Variants in ERCC4 observed in about 807,000 individuals in gnomAD.
ERCC4 encodes ERCC excision repair 4, endonuclease catalytic subunit, also known as DNA repair endonuclease XPF.
Under a neutral mutation model 76.9 loss-of-function variants are expected in ERCC4, and 65 were observed. The ratio of observed to expected loss-of-function variants is 0.84; its 90% confidence interval spans 0.69 to 1.04. The LOEUF (loss-of-function observed/expected upper bound fraction) is 1.04, where lower values mean the gene tolerates loss of function less well. ERCC4 is among the 50% of genes least tolerant of loss of function. The pLI, the probability that ERCC4 is intolerant of heterozygous loss-of-function variation, is 0.00. For synonymous variants in ERCC4, 463 were observed against 410.1 expected (o/e 1.13, Z -1.56); for missense variants, 1,214 against 1,128.2 (o/e 1.08, Z -1.09).
intron 2 of ERCC4, among the ~76,000 whole-genome samples, chr16:13,923,782 C>T (rs1297590640): frequency 2.0e-5 from 3 of 152,154 alleles, no homozygotes; most frequent in Non-Finnish European, 4.4e-5. Flanking sequence ...CTTTTGTAAC[C>T]AGAAATCTTG....
Position 13,932,254 on chromosome 16 carries a change from A to G in ERCC4, c.1071A>G (p.Ile357Met), listed in dbSNP as rs768464180. The G allele has an allele frequency of 3.7e-6, 6 of 1,611,352 alleles. No homozygotes were observed. The highest frequency in any genetic ancestry group is 1.7e-5 in the Admixed American group (1 of 59,938). The change falls in exon 6 of 11, where the codon ATA (isoleucine) becomes ATG (methionine). Residue 357 changes from isoleucine (I) to methionine (M), a missense_variant. By Grantham distance (10) the Ile-to-Met change is conservative. Coordinates refer to ENST00000311895, the MANE Select transcript of ERCC4 (RefSeq NM_005236.3). Reference sequence around the variant, plus strand: ...CCAAAATGAGTAAAAAAGAAAAAATATCTGAAAAAATGGAAATTAAAGAAG... The same window carrying G: ...CCAAAATGAGTAAAAAAGAAAAAATGTCTGAAAAAATGGAAATTAAAGAAG... ...PDAKMSKKEK[I>M]SEKMEIKEGE...
Position 13,947,843 on chromosome 16 carries a change from C to G in ERCC4, c.2247C>G (p.Ser749=). The change falls in exon 11 of 11, where the codon TCC becomes TCG. Residue 749 remains serine, a synonymous_variant. Transcript: ENST00000311895. ...TCTACAGCCAGTGCATCTCCATGTC[C>G]CGCTACTACAAGCGTCCCGTGCTTC... The part of the protein sequence containing the change: ...GRLYSQCISM[S]RYYKRPVLLI... The G allele has an allele frequency of 1.2e-6, 2 of 1,614,192 alleles. No individual in the cohort carries two copies. The highest frequency in any genetic ancestry group is 1.7e-6 in the Non-Finnish European group (2 of 1,180,034).
At position 13,948,009 on chromosome 16, in the gene ERCC4, T is replaced by A. The variant is rs2032554384; in HGVS notation, c.2413T>A (p.Ser805Thr). The change falls in exon 11 of 11, where the codon TCT becomes ACT. Residue 805 changes from serine (S) to threonine (T), a missense_variant. Ser to Thr is a moderately conservative substitution (Grantham distance 58). Transcript: ENST00000311895. ...FPRLRILWCP[S>T]PHATAELFEE... ...CAGACTACGGATTCTCTGGTGCCCC[T>A]CTCCTCATGCAACGGCGGAGTTGTT... The A allele has an allele frequency of 6.2e-7, 1 of 1,614,030 alleles. No homozygotes were observed.
intron 10 of ERCC4, 139 bp from the exon 11 acceptor site, chr16:13,947,475 G>T: frequency 1.0e-6 from 1 of 954,152 alleles, no homozygotes; most frequent in South Asian, 1.5e-5. Flanking sequence ...TGAAAATATA[G>T]AAATTATATG....
At chr16:13,931,462 A>G (rs1284169582) in intron 5 of ERCC4, 3 of 158,126 alleles carry the variant, frequency 1.9e-5, no homozygotes, top group Non-Finnish European at 4.2e-5. Flanking sequence ...GACATTCTTA[A>G]GTGATGAACT....
intron 2 of ERCC4, among the ~76,000 whole-genome samples, chr16:13,923,970 A>G (rs1467325444): frequency 6.6e-6 from 1 of 152,344 alleles, no homozygotes; most frequent in East Asian, 1.9e-4. Context: ...GAATTTATGC[A>G]ACGTTGAAGT....
intron 2 of ERCC4, among the ~76,000 whole-genome samples, chr16:13,923,331 C>T (rs1331826913): frequency 6.6e-6 from 1 of 152,180 alleles, no homozygotes; most frequent in African/African-American, 2.4e-5. Flanking sequence ...ATGGTAGGCA[C>T]TAAAGACGTA....
intron 1 of ERCC4, among the ~76,000 whole-genome samples, chr16:13,921,233 G>T (rs1473818156): frequency 1.3e-5 from 2 of 152,166 alleles, no homozygotes; most frequent in Non-Finnish European, 2.9e-5. Context: ...TGTTAAGAGG[G>T]CCATAGGGTC....
intron 9 of ERCC4, among the ~76,000 whole-genome samples, chr16:13,941,685 C>G (rs1251687194): frequency 6.6e-6 from 1 of 152,036 alleles, no homozygotes; most frequent in Admixed American, 6.6e-5. Flanking sequence ...TTATTTCTAC[C>G]CAGGGACGTA....
Position 13,937,857 on chromosome 16 carries a change from A to C in ERCC4, c.1903A>C (p.Arg635=), listed in dbSNP as rs771488066. The stretch of plus-strand genomic sequence containing the variant: ...AAAGGAAGCTTTTGAAAAACTCATA[A>C]GGTAATACATAGAAAATCAGTATGA... ...KEKEAFEKLI[R]EKASMVVPEE... The change falls in exon 9 of 11, where the codon AGG becomes CGG. Residue 635 remains arginine, a splice_region_variant and synonymous_variant. Transcript: ENST00000311895. 1 of 1,595,882 alleles carries C rather than the reference A, an allele frequency of 6.3e-7. No individual in the cohort carries two copies. The highest frequency in any genetic ancestry group is 8.6e-7 in the Non-Finnish European group (1 of 1,163,516).
intron 2 of ERCC4, 28 bp downstream of exon 2, chr16:13,922,239 A>G (rs747613537): frequency 2.1e-6 from 3 of 1,433,200 alleles, no homozygotes; most frequent in Admixed American, 3.5e-5. Flanking sequence ...TATTATTAGT[A>G]TGTAAATTTG....
At position 13,932,150 on chromosome 16, in the gene ERCC4, G is replaced by A. The variant is rs254942; in HGVS notation, c.974-7G>A. The A allele has an allele frequency of 0.98, 1,574,112 of 1,612,468 alleles. 769,252 individuals are homozygous for A. The highest frequency in any genetic ancestry group is 1 in the African/African-American group (74,723 of 75,026). Reference sequence around the variant, plus strand: ...ATGGCACTTTTTCTTTTAACTTTTCGTATTAGGTTGGCTGTTTCTTGACTC... The same window carrying A: ...ATGGCACTTTTTCTTTTAACTTTTCATATTAGGTTGGCTGTTTCTTGACTC... On this transcript the variant is annotated splice_region_variant and splice_polypyrimidine_tract_variant and intron_variant, in intron 5 of 10. Coordinates refer to ENST00000311895, the MANE Select transcript of ERCC4 (RefSeq NM_005236.3).
At chr16:13,926,100 C>T (rs781660968) in intron 2 of ERCC4, among the ~76,000 whole-genome samples, 141 of 151,952 alleles carry the variant, frequency 9.3e-4, no homozygotes, top group Non-Finnish European at 1.7e-3. Context: ...TTGTATAGTC[C>T]ACATCTGATT....
rs770347803 is a variant in ERCC4, at chr16:13,935,581, C to A, written c.1649C>A (p.Pro550His). The change falls in exon 8 of 11, where the codon CCC becomes CAC. Residue 550 changes from proline to histidine, a missense_variant. By Grantham distance (77) the Pro-to-His change is moderately conservative (BLOSUM62 -2). Transcript: ENST00000311895. The part of the protein sequence containing the change: ...SDAAFGILKE[P>H]LTIIHPLLGC... ...GCTGCTTTCGGAATCCTGAAAGAACCCCTCACTATCATCCATCCGCTTCTG... is the reference window on the plus strand; with the variant it reads ...GCTGCTTTCGGAATCCTGAAAGAACACCTCACTATCATCCATCCGCTTCTG... 1 of 1,614,096 alleles carries A rather than the reference C, an allele frequency of 6.2e-7. No individual in the cohort carries two copies. Among genetic ancestry groups the A allele is most frequent in the East Asian group, 2.2e-5 (1 of 44,880 alleles).
chr16:13,930,798 T>C lies in ERCC4; in HGVS notation c.881T>C (p.Leu294Ser). 1 of 1,611,666 alleles carries C rather than the reference T, an allele frequency of 6.2e-7. No homozygotes were observed. Among genetic ancestry groups the C allele is most frequent in the Non-Finnish European group, 8.5e-7 (1 of 1,177,790 alleles). Residue 294 changes from leucine to serine, a missense_variant, in exon 5 of 11, where the codon TTG becomes TCG. Physicochemically the swap from Leu to Ser is moderately radical, Grantham distance 145 (BLOSUM62 -2). Coordinates refer to ENST00000311895, the MANE Select transcript of ERCC4 (RefSeq NM_005236.3). ...CAGGATTTGAAGATATTACGAACTTTGCTGCAGTATCTCTCTCAGTATGAT... is the reference window on the plus strand; with the variant it reads ...CAGGATTTGAAGATATTACGAACTTCGCTGCAGTATCTCTCTCAGTATGAT... ...LVQDLKILRT[L>S]LQYLSQYDCV...
chr16:13,935,914 A>G (rs2032282616), intron 8 of ERCC4, among the ~76,000 whole-genome samples, 171 bp downstream of exon 8: 1 of 152,166 alleles, frequency 6.6e-6, no homozygotes, highest in South Asian at 2.1e-4. Context: ...GAAGGATGTC[A>G]AGTATCACAG....
At position 13,922,453 on chromosome 16, in the gene ERCC4, C is replaced by T; in HGVS notation, c.388+242C>T. On this transcript the variant is annotated intron_variant, in intron 2 of 10. Transcript: ENST00000311895. ...GACTACTTTGTTGTGAATTGCACAA[C>T]TCACACAGTAATTTAGCTTCACATA... The T allele has an allele frequency of 1.2e-5, 9 of 758,102 alleles. 1 individual carries two copies. In the South Asian group the frequency reaches 1.2e-4, roughly 10 times the overall value. 47.0% of individuals were successfully genotyped at this position (758,102 alleles called of 1,614,324 possible).
chr16:13,936,085 T>C (rs1385706367), intron 8 of ERCC4, among the ~76,000 whole-genome samples: 1 of 152,194 alleles, frequency 6.6e-6, no homozygotes, highest in East Asian at 1.9e-4. Context: ...TTAATATAAC[T>C]GTGACTCGGC....
At chr16:13,927,382 A>T (rs2032091618) in intron 3 of ERCC4, 1 of 160,288 alleles carries the variant, frequency 6.2e-6, no homozygotes, top group African/African-American at 2.4e-5. Context: ...AACATGGTGA[A>T]ACCCTGTCTC....
Sources: allele counts gnomAD v4.1 joint callset (sites outside exome capture counted in the v4.1 genomes callset), GRCh38; gene constraint gnomAD v4.1.1; transcripts MANE v1.5; gene names NCBI Gene and HGNC (gene_info 2026-07-23, HGNC 2026-07-21).